SIPA1L2: variants seen among roughly 807,000 people sequenced by gnomAD.
SIPA1L2 encodes the protein signal-induced proliferation-associated 1-like protein 2.
SIPA1L2 carries 56 observed loss-of-function variants against 163.9 expected under a neutral mutation model. The observed-to-expected ratio is 0.34, with a 90% confidence interval of 0.28 to 0.43. The LOEUF (loss-of-function observed/expected upper bound fraction) is 0.43. Among genes scored for constraint, SIPA1L2 ranks in the 20% least tolerant of loss-of-function variants. The pLI is 1.00. For missense variants in SIPA1L2, 1,974 were observed against 2,193.5 expected (o/e 0.90, Z 2.00); for synonymous variants, 877 against 865.7 (o/e 1.01, Z -0.23).
intron 22 of SIPA1L2, 45 bp from the exon 23 acceptor site, chr1:232,399,318 C>T (rs766815879): frequency 8.8e-6 from 14 of 1,586,008 alleles, no homozygotes; most frequent in Non-Finnish European, 7.7e-6. Context: ...CTGATCGATA[C>T]ATTCATTCCT....
intron 10 of SIPA1L2, among the ~76,000 whole-genome samples, chr1:232,451,342 C>G (rs966198114): frequency 1.3e-5 from 2 of 152,122 alleles, no homozygotes; most frequent in African/African-American, 4.8e-5. Context: ...CCCCTTGGCA[C>G]GCATCCTCTC....
At chr1:232,597,580 C>T (rs1486177306) in intron 1 of SIPA1L2, among the ~76,000 whole-genome samples, 1 of 150,234 alleles carries the variant, frequency 6.7e-6, no homozygotes, top group East Asian at 2.0e-4. Flanking sequence ...GTCCCAGCTA[C>T]TCAGGAGGCT....
intron 8 of SIPA1L2, among the ~76,000 whole-genome samples, chr1:232,469,138 C>T (rs1024642376): frequency 5.9e-5 from 9 of 152,312 alleles, no homozygotes; most frequent in Admixed American, 5.9e-4. Context: ...CTTCTGACAG[C>T]TGTAAGGCCT....
chr1:232,563,953 T>TGTGTGTG (rs1365909072), intron 2 of SIPA1L2, among the ~76,000 whole-genome samples: 2 of 130,196 alleles, frequency 1.5e-5, no homozygotes, highest in Admixed American at 7.7e-5. Context: ...TGTTTTTTTT[T>TGTGTGTG]TTCGTGTGTG....
chr1:232,611,413 G>C (rs576189203), intron 1 of SIPA1L2, among the ~76,000 whole-genome samples: 1 of 152,294 alleles, frequency 6.6e-6, no homozygotes, highest in African/African-American at 2.4e-5. Context: ...GCTCAGAAGA[G>C]AGAAAAATGT....
In SIPA1L2 at chr1:232,514,561, C is replaced by T. The variant is rs751176998; in HGVS notation, c.779G>A (p.Gly260Glu). ...ISRGEFVRIS[G>E]LDYVDSALLM... ...GAGGGCACTGTCCACATAATCTAATCCTGAGATGCGGACAAATTCTCCCCT... is the reference window on the plus strand; with the variant it reads ...GAGGGCACTGTCCACATAATCTAATTCTGAGATGCGGACAAATTCTCCCCT... The change falls in exon 3 of 23, where the codon GGA becomes GAA. Residue 260 changes from glycine to glutamate, a missense_variant. Physicochemically the swap from Gly to Glu is moderately conservative, Grantham distance 98. This residue lies in a region of SIPA1L2 where 607 missense variants were observed against 624.0 expected (regional missense o/e 0.97). Transcript: ENST00000674635. 2 of 1,614,156 alleles carry T rather than the reference C, an allele frequency of 1.2e-6. No homozygotes were observed. The highest frequency in any genetic ancestry group is 1.7e-6 in the Non-Finnish European group (2 of 1,180,026).
chr1:232,612,716 G>A (rs996601655), intron 1 of SIPA1L2, among the ~76,000 whole-genome samples: 2 of 152,186 alleles, frequency 1.3e-5, no homozygotes, highest in Non-Finnish European at 2.9e-5. Context: ...GCTCATAGGT[G>A]GAAGGAACTT....
At chr1:232,417,685 T>C (rs1661339053) in intron 18 of SIPA1L2, among the ~76,000 whole-genome samples, 1 of 152,032 alleles carries the variant, frequency 6.6e-6, no homozygotes, top group Non-Finnish European at 1.5e-5. Context: ...AGCAGAAAGG[T>C]AAAGAAACCC....
chr1:232,570,456 T>C (rs1395716036), intron 2 of SIPA1L2, among the ~76,000 whole-genome samples: 1 of 152,168 alleles, frequency 6.6e-6, no homozygotes, highest in African/African-American at 2.4e-5. Context: ...TACATATAAG[T>C]TAACTGGAGA....
chr1:232,562,374 T>G (rs565528105), intron 2 of SIPA1L2, among the ~76,000 whole-genome samples: 1 of 152,316 alleles, frequency 6.6e-6, no homozygotes, highest in South Asian at 2.1e-4. Flanking sequence ...ATTGCCTGGA[T>G]GAAAATTAGT....
At chr1:232,459,941 C>A (rs562342059) in intron 10 of SIPA1L2, among the ~76,000 whole-genome samples, 2 of 152,192 alleles carry the variant, frequency 1.3e-5, no homozygotes, top group African/African-American at 4.8e-5. Flanking sequence ...ATAATCCCAT[C>A]TTACAGAGAG....
chr1:232,468,665 T>C (rs1664646077), intron 8 of SIPA1L2, among the ~76,000 whole-genome samples: 1 of 152,262 alleles, frequency 6.6e-6, no homozygotes, highest in South Asian at 2.1e-4. Context: ...ACCTAATTTT[T>C]GTCAGAAGAT....
At chr1:232,428,350 C>CTTTTTTT (rs34949132) in intron 17 of SIPA1L2, 61 bp downstream of exon 17, 16 of 838,086 alleles carry the variant, frequency 1.9e-5, no homozygotes, top group African/African-American at 4.1e-5. Flanking sequence ...TTTCTTTAGA[C>CTTTTTTT]TTTTTTTTTT....
chr1:232,520,402 GCTAA>G (rs1433661158), intron 2 of SIPA1L2, among the ~76,000 whole-genome samples: 13 of 152,328 alleles, frequency 8.5e-5, no homozygotes, highest in African/African-American at 1.9e-4. Context: ...CTGTTCTCAT[GCTAA>G]CTGTCTTGGT....
At chr1:232,430,461 C>T (rs12758343) in intron 16 of SIPA1L2, among the ~76,000 whole-genome samples, 5,696 of 152,330 alleles carry the variant, frequency 0.037, 200 homozygotes, top group East Asian at 0.12. Context: ...TGTGAAACTT[C>T]TGGAGAGCAC....
chr1:232,530,014 TTC>T (rs1424323492), intron 2 of SIPA1L2, among the ~76,000 whole-genome samples: 8 of 152,210 alleles, frequency 5.3e-5, no homozygotes, highest in African/African-American at 1.7e-4. Flanking sequence ...AAAGCATAAC[TTC>T]TCTGACCCTT....
intron 2 of SIPA1L2, among the ~76,000 whole-genome samples, chr1:232,557,462 C>G (rs200174067): frequency 1.3e-5 from 2 of 152,210 alleles, no homozygotes; most frequent in East Asian, 3.9e-4. Context: ...ATCTTAACCC[C>G]ACAACACATC....
chr1:232,623,827 T>G (rs965927634), intron 1 of SIPA1L2, among the ~76,000 whole-genome samples: 1 of 151,920 alleles, frequency 6.6e-6, no homozygotes, highest in Non-Finnish European at 1.5e-5. Context: ...GAGTGGAGTT[T>G]GTCTTCCGCT....
chr1:232,517,771 T>G (rs1347716863), intron 2 of SIPA1L2, among the ~76,000 whole-genome samples: 1 of 152,216 alleles, frequency 6.6e-6, no homozygotes, highest in African/African-American at 2.4e-5. Context: ...CTGGGTGTGA[T>G]GGCTCACACC....
Sources: gnomAD v4.1 joint callset for allele counts (sites outside exome capture counted in the v4.1 genomes callset) on GRCh38, gnomAD v4.1.1 for gene constraint, gnomAD v4.1.1 regional missense constraint, MANE v1.5 for transcripts, NCBI Gene and HGNC (gene_info 2026-07-23, HGNC 2026-07-21) for gene names.